SARNP: variants seen among roughly 807,000 people sequenced by gnomAD.
SARNP encodes the protein SAP domain-containing ribonucleoprotein.
A neutral mutation model predicts 38.1 loss-of-function variants in SARNP; 5 were observed. The observed-to-expected ratio is 0.13, with a 90% CI of 0.07 to 0.28. The LOEUF is 0.28. Among genes scored for constraint, SARNP ranks in the 10% least tolerant of loss-of-function variants. The pLI is 1.00. For missense variants in SARNP, 180 were observed against 243.9 expected, an observed-to-expected ratio of 0.74 and a Z score of 1.75; for synonymous variants, 84 against 80.6, an observed-to-expected ratio of 1.04 and a Z score of -0.23.
intron 4 of SARNP, 41 bp from the exon 5 acceptor site, chr12:55,796,117 T>C: frequency 1.4e-6 from 2 of 1,380,146 alleles, no homozygotes; most frequent in South Asian, 1.2e-5. Flanking sequence ...AAAACTGATA[T>C]TCTAAACCAC....
At chr12:55,777,505 G>C (rs1879217579) in intron 9 of SARNP, among the ~76,000 whole-genome samples, 2 of 151,892 alleles carry the variant, frequency 1.3e-5, no homozygotes, top group African/African-American at 4.8e-5. Flanking sequence ...CTCCCGAGTA[G>C]CTGGGACTAC....
chr12:55,780,594 C>T (rs1414622345), intron 9 of SARNP, among the ~76,000 whole-genome samples: 3 of 151,866 alleles, frequency 2.0e-5, no homozygotes, highest in African/African-American at 4.8e-5. Flanking sequence ...CACTTGAACC[C>T]GGGAAGCAGA....
At chr12:55,804,415 C>G (rs1353027700) in intron 1 of SARNP, among the ~76,000 whole-genome samples, 1 of 129,738 alleles carries the variant, frequency 7.7e-6, no homozygotes, top group African/African-American at 3.2e-5. Context: ...AACACGGAAA[C>G]AGAAAAAAAA....
intron 9 of SARNP, among the ~76,000 whole-genome samples, chr12:55,765,596 C>A (rs934625728): frequency 6.6e-6 from 1 of 151,798 alleles, no homozygotes; most frequent in Non-Finnish European, 1.5e-5. Context: ...CCTTTCACCT[C>A]GCCTCCCAAA....
At chr12:55,804,290 G>C (rs1880070354) in intron 1 of SARNP, among the ~76,000 whole-genome samples, 1 of 152,086 alleles carries the variant, frequency 6.6e-6, no homozygotes, top group South Asian at 2.1e-4. Flanking sequence ...ATACCATAGA[G>C]TTCTGCTGAA....
chr12:55,775,241 T>TAAAAA (rs375018386), intron 9 of SARNP, among the ~76,000 whole-genome samples: 9 of 118,584 alleles, frequency 7.6e-5, no homozygotes, highest in African/African-American at 2.4e-4. Flanking sequence ...AGGTTAAAAT[T>TAAAAA]AAAAAAAAAA....
chr12:55,803,738 A>G lies in SARNP; in HGVS notation c.37-10T>C, dbSNP rs1232150158. 2.5e-6 allele frequency: 4 copies of G among 1,603,362 alleles called. No individual in the cohort carries two copies. In the South Asian group the frequency reaches 3.3e-5, roughly 13 times the overall value. On this transcript the variant is annotated splice_polypyrimidine_tract_variant and intron_variant, in intron 1 of 10. Coordinates refer to ENST00000336133, the MANE Select transcript of SARNP (RefSeq NM_033082.4). ...GCTTTAGTTCGGCAAGCTGAGGGGAAAAAAATAAAACTTTTCCTTAGTTAA... is the reference window on the plus strand; with the variant it reads ...GCTTTAGTTCGGCAAGCTGAGGGGAGAAAAATAAAACTTTTCCTTAGTTAA...
intron 9 of SARNP, among the ~76,000 whole-genome samples, chr12:55,779,358 G>A (rs1471711929): frequency 1.3e-5 from 2 of 152,122 alleles, no homozygotes; most frequent in Non-Finnish European, 2.9e-5. Flanking sequence ...TACTATCTGC[G>A]TTTTTCTTGG....
In SARNP at chr12:55,806,277, T is replaced by A. The variant is rs991907377; in HGVS notation, c.37-2549A>T. On this transcript the variant is annotated intron_variant, in intron 1 of 10. Coordinates refer to ENST00000336133, the MANE Select transcript of SARNP (RefSeq NM_033082.4). ...TTATGAAGACTAAATTAAAAAAAATTTTTTTTTTTTTTTTTGAGACGGAGT... is the reference window on the plus strand; with the variant it reads ...TTATGAAGACTAAATTAAAAAAAATATTTTTTTTTTTTTTTGAGACGGAGT... 5.3e-3 allele frequency among the ~76,000 whole-genome samples: 648 copies of A among 122,010 alleles called. 9 individuals are homozygous for A. The highest frequency in any genetic ancestry group is 0.021 in the African/African-American group (590 of 28,226). The allele number at this position is 122,010 out of a possible 152,430, so 80.0% of individuals were successfully genotyped here. A position where few individuals can be genotyped will look rare whatever the true frequency, so the allele number is the denominator to read the frequency against.
chr12:55,778,020 G>A (rs1879233305), intron 9 of SARNP, among the ~76,000 whole-genome samples: 1 of 152,194 alleles, frequency 6.6e-6, no homozygotes, highest in South Asian at 2.1e-4. Context: ...AAACTGGGAA[G>A]GGAGGGAGAT....
intron 1 of SARNP, among the ~76,000 whole-genome samples, chr12:55,810,454 T>A (rs1260395605): frequency 6.6e-6 from 1 of 150,654 alleles, no homozygotes; most frequent in Admixed American, 6.6e-5. Flanking sequence ...ACCTTGAATT[T>A]TTTTTTTTTT....
At chr12:55,766,284 T>A (rs550156690) in intron 9 of SARNP, among the ~76,000 whole-genome samples, 1 of 152,170 alleles carries the variant, frequency 6.6e-6, no homozygotes, top group Non-Finnish European at 1.5e-5. Flanking sequence ...AGTGCCCTTA[T>A]TTCCTATCAA....
intron 4 of SARNP, among the ~76,000 whole-genome samples, chr12:55,799,431 C>G (rs150047048): frequency 0.013 from 2,010 of 152,284 alleles, 18 homozygotes; most frequent in African/African-American, 0.026. Flanking sequence ...ACTTTCCATT[C>G]TAGCACTTTG....
chr12:55,799,622 C>A lies in SARNP; in HGVS notation c.251+940G>T, dbSNP rs565823009. Reference sequence around the variant, plus strand: ...AGGCTGGAGTGCAGTGCCACAGTCTCGGCTCACTGCAACCTCCACCTCCCA... The same window carrying A: ...AGGCTGGAGTGCAGTGCCACAGTCTAGGCTCACTGCAACCTCCACCTCCCA... On this transcript the variant is annotated intron_variant, in intron 4 of 10. Transcript: ENST00000336133. Among the ~76,000 whole-genome samples, 210 of 147,790 alleles carry A rather than the reference C, an allele frequency of 1.4e-3. 1 individual carries two copies. Among genetic ancestry groups the A allele is most frequent in the African/African-American group, 5.1e-3 (204 of 40,024 alleles).
At chr12:55,776,835 A>T (rs984194720) in intron 9 of SARNP, among the ~76,000 whole-genome samples, 2 of 152,244 alleles carry the variant, frequency 1.3e-5, no homozygotes, top group Admixed American at 1.3e-4. Context: ...AAAAACTCTT[A>T]CCCAGACAAT....
At chr12:55,764,125 G>A (rs1364097505) in intron 9 of SARNP, among the ~76,000 whole-genome samples, 1 of 152,196 alleles carries the variant, frequency 6.6e-6, no homozygotes, top group Admixed American at 6.5e-5. Flanking sequence ...ATAAGTAACA[G>A]TATCTAGGAA....
At chr12:55,817,591 G>A in intron 1 of SARNP, 75 bp downstream of exon 1, 1 of 1,415,102 alleles carries the variant, frequency 7.1e-7, no homozygotes, top group Non-Finnish European at 9.8e-7. Flanking sequence ...AGAAGACGTA[G>A]GAGAAGGCGC....
At chr12:55,811,666 A>G (rs1880332450) in intron 1 of SARNP, among the ~76,000 whole-genome samples, 1 of 152,200 alleles carries the variant, frequency 6.6e-6, no homozygotes, top group Non-Finnish European at 1.5e-5. Context: ...TTTATGCTCA[A>G]TATTAACTGC....
rs568961677 is a variant in SARNP at position 55,763,169 on chromosome 12, G to C, written c.502-2529C>G. ...AACTATTGTAAAAACATTAAGCCAG[G>C]TTCAAAGAAAAACATAAGTATTCTT... On this transcript the variant is annotated intron_variant, in intron 9 of 10. Transcript: ENST00000336133. Among the ~76,000 whole-genome samples the C allele has an allele frequency of 4.6e-5, 7 of 152,144 alleles. No homozygotes were observed. The East Asian group carries it at 1.3e-3, about 29-fold the overall frequency.
Sources: gnomAD v4.1 joint callset for allele counts (sites outside exome capture counted in the v4.1 genomes callset) on GRCh38, gnomAD v4.1.1 for gene constraint, MANE v1.5 for transcripts, NCBI Gene and HGNC (gene_info 2026-07-23, HGNC 2026-07-21) for gene names.